DPP6: variants seen among roughly 807,000 people sequenced by gnomAD.
DPP6 encodes A-type potassium channel modulatory protein DPP6.
DPP6 carries 69 observed loss-of-function variants against 122.6 expected under a neutral mutation model. That is an observed-to-expected ratio of 0.56 (90% CI 0.46 to 0.69). The LOEUF (loss-of-function observed/expected upper bound fraction) is 0.69. Ranked by LOEUF, DPP6 falls within the 30% of genes least tolerant of loss-of-function variation. The pLI, the probability that DPP6 is intolerant of heterozygous loss-of-function variation, is 0.00. For missense variants in DPP6, 928 were observed against 1,116.9 expected (o/e 0.83, Z 2.41); for synonymous variants, 418 against 433.1 (o/e 0.97, Z 0.43).
At chr7:154,334,188 G>GA (rs11302452) in intron 1 of DPP6, among the ~76,000 whole-genome samples, 20,419 of 145,574 alleles carry the variant, frequency 0.14, 1,381 homozygotes, top group South Asian at 0.19. Flanking sequence ...ACAGAAAATG[G>GA]AAAAAAAAAA....
chr7:154,737,739 T>C (rs762224567), intron 8 of DPP6, among the ~76,000 whole-genome samples: 1 of 152,226 alleles, frequency 6.6e-6, no homozygotes, highest in Admixed American at 6.5e-5. Context: ...AAGTTCTGGG[T>C]GCAGCATCCT....
At chr7:154,852,313 A>G (rs1802461369) in intron 16 of DPP6, among the ~76,000 whole-genome samples, 1 of 152,136 alleles carries the variant, frequency 6.6e-6, no homozygotes, top group Non-Finnish European at 1.5e-5. Context: ...TTGTGAGTCC[A>G]TGGCATCCTG....
upstream of DPP6, among the ~76,000 whole-genome samples, chr7:154,049,046 TG>T (rs1350733712): frequency 6.7e-6 from 1 of 150,076 alleles, no homozygotes; most frequent in African/African-American, 2.5e-5. Context: ...AAAAATGGGT[TG>T]GGGGCATTTG....
chr7:154,361,762 T>C (rs1049645329), intron 1 of DPP6, among the ~76,000 whole-genome samples: 2 of 152,250 alleles, frequency 1.3e-5, no homozygotes, highest in African/African-American at 4.8e-5. Flanking sequence ...GGCATACACT[T>C]ACACTTATAA....
chr7:154,500,003 A>G (rs1825091411), intron 3 of DPP6, among the ~76,000 whole-genome samples: 2 of 152,176 alleles, frequency 1.3e-5, no homozygotes, highest in Admixed American at 6.5e-5. Flanking sequence ...AACACAATAC[A>G]TGCTTAGTGC....
upstream of DPP6, among the ~76,000 whole-genome samples, chr7:153,886,238 G>T (rs982751712): frequency 6.6e-6 from 1 of 151,978 alleles, no homozygotes; most frequent in African/African-American, 2.4e-5. Context: ...CTCTGCGCGC[G>T]CTCCTGGGAG....
intron 16 of DPP6, among the ~76,000 whole-genome samples, chr7:154,836,282 G>A (rs1380901095): frequency 6.6e-6 from 1 of 152,240 alleles, no homozygotes; most frequent in African/African-American, 2.4e-5. Flanking sequence ...GCATTTGGTC[G>A]ACGTGTTTTC....
At chr7:154,083,664 C>A (rs2907732) in intron 1 of DPP6, among the ~76,000 whole-genome samples, 89,178 of 138,774 alleles carry the variant, frequency 0.64, 29,459 homozygotes, top group African/African-American at 0.75. Context: ...AAGGAAAAAG[C>A]AGAGAACAGG....
At chr7:154,754,373 C>A (rs918833635) in intron 8 of DPP6, among the ~76,000 whole-genome samples, 1 of 152,142 alleles carries the variant, frequency 6.6e-6, no homozygotes, top group Non-Finnish European at 1.5e-5. Flanking sequence ...TTTTTTAAAA[C>A]CCTTGGAAAA....
chr7:154,489,734 G>GA (rs533397018), intron 3 of DPP6, among the ~76,000 whole-genome samples: 34 of 149,376 alleles, frequency 2.3e-4, no homozygotes, highest in South Asian at 1.5e-3. Context: ...CCTCCCTCCA[G>GA]AAAAAAAAAC....
chr7:154,060,768 C>T (rs1324250488), intron 1 of DPP6, among the ~76,000 whole-genome samples: 1 of 139,842 alleles, frequency 7.2e-6, no homozygotes, highest in Non-Finnish European at 1.6e-5. Context: ...CCCTCTTCCC[C>T]CCCTGGCTCT....
intron 1 of DPP6, among the ~76,000 whole-genome samples, chr7:153,965,576 G>A (rs62484207): frequency 2.6e-5 from 4 of 152,198 alleles, no homozygotes; most frequent in South Asian, 2.1e-4. Context: ...ACAGTGGCGC[G>A]ATTTCAGCTC....
intron 10 of DPP6, among the ~76,000 whole-genome samples, chr7:154,777,246 A>G (rs917453190): frequency 1.3e-5 from 2 of 152,174 alleles, no homozygotes; most frequent in South Asian, 4.1e-4. Flanking sequence ...GTGTGGAAGG[A>G]GCCACACCTA....
At chr7:154,521,771 C>A (rs1295480741) in intron 3 of DPP6, among the ~76,000 whole-genome samples, 2 of 152,134 alleles carry the variant, frequency 1.3e-5, no homozygotes, top group East Asian at 1.9e-4. Context: ...AGTTTGAAGT[C>A]CACAGAATGT....
chr7:154,052,847 T>C lies in DPP6; in HGVS notation c.27T>C (p.Thr9=), dbSNP rs188616346. The change falls in exon 1 of 26, where the codon ACT becomes ACC. Residue 9 remains threonine, a synonymous_variant. Transcript: ENST00000377770. The surrounding 1 kb of genome is among the most constrained non-coding windows in gnomAD (Gnocchi z 4.8). The stretch of plus-strand genomic sequence containing the variant: ...TGGCTTCGCTGTACCAGAGGTTCAC[T>C]GGCAAGATCAACACCTCGAGGTCCT... The part of the protein sequence containing the change: MASLYQRF[T]GKINTSRSFP... 1,035 of 1,535,464 alleles carry C rather than the reference T, an allele frequency of 6.7e-4. 1 individual carries two copies. Among genetic ancestry groups the C allele is most frequent in the Non-Finnish European group, 6.5e-4 (739 of 1,141,082 alleles).
the DPP6 span, among the ~76,000 whole-genome samples, chr7:153,772,024 A>G: frequency 6.6e-6 from 1 of 152,136 alleles, no homozygotes; most frequent in Non-Finnish European, 1.5e-5. Flanking sequence ...TGGTGTAGGG[A>G]TCTTATAACA....
chr7:154,450,881 C>T (rs1820302853), intron 2 of DPP6, among the ~76,000 whole-genome samples: 1 of 152,190 alleles, frequency 6.6e-6, no homozygotes, highest in Non-Finnish European at 1.5e-5. Flanking sequence ...TCTGCCTCTA[C>T]TTTTCTTTGA....
intron 1 of DPP6, among the ~76,000 whole-genome samples, chr7:153,928,417 T>C (rs1358072389): frequency 7.6e-6 from 1 of 131,310 alleles, no homozygotes; most frequent in African/African-American, 3.0e-5. Flanking sequence ...TTTTTTTTTT[T>C]TTTTGGTAGA....
At chr7:154,767,845 G>C (rs1796003788) in intron 8 of DPP6, among the ~76,000 whole-genome samples, 1 of 152,198 alleles carries the variant, frequency 6.6e-6, no homozygotes, top group Admixed American at 6.5e-5. Context: ...ACTCTACTGA[G>C]ATGTTCAGGA....
Sources: gnomAD v4.1 joint callset for allele counts (sites outside exome capture counted in the v4.1 genomes callset) on GRCh38, gnomAD v4.1.1 for gene constraint, Gnocchi (gnomAD v3.1) non-coding constraint, MANE v1.5 for transcripts, NCBI Gene and HGNC (gene_info 2026-07-23, HGNC 2026-07-21) for gene names.